MUC5B: variants seen among roughly 807,000 people sequenced by gnomAD.
MUC5B encodes the protein mucin 5B, oligomeric mucus/gel-forming, also known as mucin-5B.
Under a neutral mutation model 376.9 loss-of-function variants are expected in MUC5B, and 116 were observed. The ratio of observed to expected loss-of-function variants is 0.31; its 90% CI spans 0.26 to 0.36. The LOEUF (loss-of-function observed/expected upper bound fraction) is 0.36, where lower values mean the gene tolerates loss of function less well. Among genes scored for constraint, MUC5B ranks in the 10% least tolerant of loss-of-function variants. The pLI is 1.00. For synonymous variants in MUC5B, 3,517 were observed against 3,390.9 expected (o/e 1.04, Z -1.29); for missense variants, 7,165 against 7,769.9 (o/e 0.92, Z 2.93).
intron 12 of MUC5B, 76 bp from the exon 13 acceptor site, chr11:1,230,860 G>A: frequency 1.3e-6 from 2 of 1,515,304 alleles, no homozygotes; most frequent in Non-Finnish European, 1.8e-6. Context: ...GGGCCCCTGG[G>A]CAGGCCACCC....
chr11:1,242,149 C>G lies in MUC5B; in HGVS notation c.5269C>G (p.Gln1757Glu). 1 of 1,613,474 alleles carries G rather than the reference C, an allele frequency of 6.2e-7. No homozygotes were observed. Among genetic ancestry groups the G allele is most frequent in the South Asian group, 1.1e-5 (1 of 91,078 alleles). ...ACTCACGAGCGAGCTGTCCACCTCT[C>G]AGGCCGAGACCAGCACGCCCAGGAC... Reference protein sequence around the residue: ...PTLTSELSTSQAETSTPRTET... With the variant: ...PTLTSELSTSEAETSTPRTET... The change falls in exon 31 of 49, where the codon CAG becomes GAG. Residue 1757 changes from glutamine to glutamate, a missense_variant. Around this residue, in one of 31 missense-constraint regions of MUC5B, gnomAD observed 897 missense variants for 779.6 expected, o/e 1.15. Coordinates refer to ENST00000529681, the MANE Select transcript of MUC5B (RefSeq NM_002458.3).
At position 1,241,270 on chromosome 11, in the gene MUC5B, G is replaced by A. The variant is rs1447036523; in HGVS notation, c.4390G>A (p.Glu1464Lys). The change falls in exon 31 of 49, where the codon GAA becomes AAA. Residue 1464 changes from glutamate (E) to lysine (K), a missense_variant. Glu to Lys is a moderately conservative substitution (Grantham distance 56). This residue lies in a region of MUC5B where 517 missense variants were observed against 545.3 expected (regional missense o/e 0.95). Transcript: ENST00000529681. ...TACCCCAACCCAGACCACAGCAACC[G>A]AAAAGACCACCCTATGGGTGACCCC... The part of the protein sequence containing the change: ...VPTPTQTTAT[E>K]KTTLWVTPSI... 3.1e-6 allele frequency: 5 copies of A among 1,594,696 alleles called. No individual in the cohort carries two copies. The highest frequency in any genetic ancestry group is 1.8e-5 in the Admixed American group (1 of 56,790).
chr11:1,248,115 G>A lies in MUC5B; in HGVS notation c.11235G>A (p.Gln3745=). 2 of 1,594,902 alleles carry A rather than the reference G, an allele frequency of 1.3e-6. No individual in the cohort carries two copies. Among genetic ancestry groups the A allele is most frequent in the South Asian group, 1.1e-5 (1 of 90,290 alleles). The change falls in exon 31 of 49, where the codon CAG becomes CAA. Residue 3745 remains glutamine (Q), a synonymous_variant. Transcript: ENST00000529681. ...CCACGGCCACCGCCTCCTCCACCCAGGCAACTGCTGGCACCCCACATGTGA... is the reference window on the plus strand; with the variant it reads ...CCACGGCCACCGCCTCCTCCACCCAAGCAACTGCTGGCACCCCACATGTGA... ...TGSTATASST[Q]ATAGTPHVST... is the part of the protein sequence containing the mutation.
rs1281442107 is a variant in MUC5B at position 1,261,902 on chromosome 11, G to C, written c.*294G>C. On this transcript the variant is annotated 3_prime_UTR_variant, in exon 49 of 49. Coordinates refer to ENST00000529681, the MANE Select transcript of MUC5B (RefSeq NM_002458.3). Reference sequence around the variant, plus strand: ...GGACGCCCTGGAACAAACTAAGCATGTGCGGGCCTATGTGTCCCTGCCACG... The same window carrying C: ...GGACGCCCTGGAACAAACTAAGCATCTGCGGGCCTATGTGTCCCTGCCACG... The C allele has an allele frequency of 1.6e-6, 1 of 641,972 alleles. No individual in the cohort carries two copies. Among genetic ancestry groups the C allele is most frequent in the East Asian group, 3.1e-5 (1 of 32,260 alleles). 39.8% of individuals were successfully genotyped at this position (641,972 alleles called of 1,614,324 possible).
chr11:1,223,324 T>C (rs1861801599), intron 1 of MUC5B, 131 bp downstream of exon 1: 2 of 691,904 alleles, frequency 2.9e-6, no homozygotes, highest in African/African-American at 3.5e-5. Context: ...GTGTCCTGGA[T>C]GGGACCCTAC....
rs1051395246 is a variant in MUC5B at position 1,258,073 on chromosome 11, A to G, written c.16451-26A>G. 8.4e-6 allele frequency: 13 copies of G among 1,550,970 alleles called. No homozygotes were observed. Among genetic ancestry groups the G allele is most frequent in the Non-Finnish European group, 1.0e-5 (12 of 1,145,774 alleles). Reference sequence around the variant, plus strand: ...TCGGGAGGAGGAGTGAGCAGCGCCCAGACAGTGGCCTCCATCCTCCCGCAG... The same window carrying G: ...TCGGGAGGAGGAGTGAGCAGCGCCCGGACAGTGGCCTCCATCCTCCCGCAG... On this transcript the variant is annotated intron_variant, in intron 41 of 48. Transcript: ENST00000529681. This position sits in a 1 kb window ranked among gnomAD's most constrained non-coding sequence, Gnocchi z 5.5.
At chr11:1,240,747 G>T in intron 30 of MUC5B, 104 bp from the exon 31 acceptor site, 4 of 1,124,866 alleles carry the variant, frequency 3.6e-6, no homozygotes, top group Non-Finnish European at 2.5e-6. Context: ...TATCCCACAG[G>T]GGCAGGGCCA....
chr11:1,257,168 C>A lies in MUC5B; in HGVS notation c.16238-72C>A. 1 of 778,172 alleles carries A rather than the reference C, an allele frequency of 1.3e-6. No homozygotes were observed. Among genetic ancestry groups the A allele is most frequent in the South Asian group, 1.3e-5 (1 of 74,384 alleles). The allele number at this position is 778,172 out of a possible 1,614,324, so 48.2% of individuals were successfully genotyped here. ...GAAGCAGGCTCCAGGCCTGAGAGCA[C>A]CTCCCATGGCCAGAGGCCCCTCCGC... On this transcript the variant is annotated intron_variant, in intron 39 of 48. Transcript: ENST00000529681. The surrounding 1 kb of genome is among the most constrained non-coding windows in gnomAD (Gnocchi z 8.9).
chr11:1,240,425 G>A, intron 30 of MUC5B, 50 bp downstream of exon 30: 1 of 1,505,412 alleles, frequency 6.6e-7, no homozygotes, highest in Middle Eastern at 1.8e-4. Flanking sequence ...GGGTGACAAG[G>A]AGGACCCCCT....
In MUC5B at chr11:1,242,607, G is replaced by A; in HGVS notation, c.5727G>A (p.Lys1909=). Reference sequence around the variant, plus strand: ...CGGGGACGACCTGGATCCTCACAAAGCCGACCACAACAGCCACTACGACTG... The same window carrying A: ...CGGGGACGACCTGGATCCTCACAAAACCGACCACAACAGCCACTACGACTG... The part of the protein sequence containing the change: ...STPGTTWILT[K]PTTTATTTAS... Residue 1909 remains lysine, a synonymous_variant, in exon 31 of 49, where the codon AAG becomes AAA. Transcript: ENST00000529681. 6.2e-7 allele frequency: 1 copy of A among 1,613,544 alleles called. No homozygotes were observed. Among genetic ancestry groups the A allele is most frequent in the Non-Finnish European group, 8.5e-7 (1 of 1,179,758 alleles).
chr11:1,228,330 C>G (rs946915706), intron 7 of MUC5B, among the ~76,000 whole-genome samples: 1 of 152,288 alleles, frequency 6.6e-6, no homozygotes, highest in South Asian at 2.1e-4. Flanking sequence ...CTTTCTTGGG[C>G]GCTTACTCCA....
Position 1,242,910 on chromosome 11 carries a change from C to A in MUC5B, c.6030C>A (p.Pro2010=), listed in dbSNP as rs772035496. The change falls in exon 31 of 49, where the codon CCC becomes CCA. Residue 2010 remains proline (P), a synonymous_variant. Transcript: ENST00000529681. ...CGGCCACCATGTCCACAGCCACACCCTCCTCCACTCCAGAGACTGCCCACA... is the reference window on the plus strand; with the variant it reads ...CGGCCACCATGTCCACAGCCACACCATCCTCCACTCCAGAGACTGCCCACA... ...TPTATMSTAT[P]SSTPETAHTS... 2.5e-5 allele frequency: 40 copies of A among 1,613,592 alleles called. No homozygotes were observed. Among genetic ancestry groups the A allele is most frequent in the Middle Eastern group, 3.3e-4 (2 of 6,084 alleles).
intron 21 of MUC5B, 30 bp from the exon 22 acceptor site, chr11:1,235,055 G>A: frequency 6.3e-7 from 1 of 1,595,432 alleles, no homozygotes; most frequent in Non-Finnish European, 8.5e-7. Flanking sequence ...GCAGGCCCCT[G>A]TGAGCAGGCA....
At chr11:1,223,822 C>T (rs1003863464) in intron 1 of MUC5B, among the ~76,000 whole-genome samples, 1 of 152,260 alleles carries the variant, frequency 6.6e-6, no homozygotes, top group African/African-American at 2.4e-5. Context: ...AGCATTAATA[C>T]TTACTGTCAA....
At position 1,230,926 on chromosome 11, in the gene MUC5B, C is replaced by A; in HGVS notation, c.1471-10C>A. On this transcript the variant is annotated splice_polypyrimidine_tract_variant and intron_variant, in intron 12 of 48. Coordinates refer to ENST00000529681, the MANE Select transcript of MUC5B (RefSeq NM_002458.3). The stretch of plus-strand genomic sequence containing the variant: ...CCCAGAGCTGACCTCCCGCCCGCCT[C>A]CTTCCGCAGGCCATCCGGGTCCAAG... 1.9e-6 allele frequency: 3 copies of A among 1,583,542 alleles called. No individual in the cohort carries two copies. Among genetic ancestry groups the A allele is most frequent in the Non-Finnish European group, 8.6e-7 (1 of 1,166,030 alleles).
In MUC5B at chr11:1,251,405, C is replaced by T. The variant is rs760476832; in HGVS notation, c.14525C>T (p.Pro4842Leu). Reference protein sequence around the residue: ...TGSTATLSSTPGTTWILTEPS... With the variant: ...TGSTATLSSTLGTTWILTEPS... ...TCCACGGCCACCCTGTCCTCCACCC[C>T]AGGGACCACCTGGATCCTCACAGAG... Residue 4842 changes from proline to leucine, a missense_variant, in exon 31 of 49, where the codon CCA becomes CTA. Transcript: ENST00000529681. The T allele has an allele frequency of 1.2e-5, 20 of 1,612,432 alleles. No homozygotes were observed. Among genetic ancestry groups the T allele is most frequent in the Admixed American group, 1.0e-4 (6 of 59,956 alleles).
intron 12 of MUC5B, 99 bp from the exon 13 acceptor site, chr11:1,230,837 C>T: frequency 1.4e-6 from 2 of 1,385,778 alleles, no homozygotes; most frequent in Non-Finnish European, 2.0e-6. Context: ...TCTGTGGGCT[C>T]TGTCCCCAGT....
Position 1,250,573 on chromosome 11 carries a change from C to G in MUC5B, c.13693C>G (p.Leu4565Val). 1.9e-6 allele frequency: 3 copies of G among 1,613,744 alleles called. No homozygotes were observed. The highest frequency in any genetic ancestry group is 2.5e-6 in the Non-Finnish European group (3 of 1,179,854). ...TPETVHTSTV[L>V]TATATTTGAT... ...AGAGACTGTCCACACCTCCACAGTG[C>G]TTACCGCCACGGCCACCACAACCGG... Residue 4565 changes from leucine (L) to valine (V), a missense_variant, in exon 31 of 49, where the codon CTT becomes GTT. Coordinates refer to ENST00000529681, the MANE Select transcript of MUC5B (RefSeq NM_002458.3).
Position 1,234,147 on chromosome 11 carries a change from C to A in MUC5B, c.2378-58C>A. 7.2e-7 allele frequency: 1 copy of A among 1,384,412 alleles called. No homozygotes were observed. The highest frequency in any genetic ancestry group is 1.0e-6 in the Non-Finnish European group (1 of 996,890). The allele number at this position is 1,384,412 out of a possible 1,614,324, so 85.8% of individuals were successfully genotyped here. ...GGACAGGCTCAGGGCTGCCTGGGGT[C>A]AGTTGAGGGCCGTGGCTGCCCTTCC... On this transcript the variant is annotated intron_variant, in intron 19 of 48. Coordinates refer to ENST00000529681, the MANE Select transcript of MUC5B (RefSeq NM_002458.3). The surrounding 1 kb of genome is among the most constrained non-coding windows in gnomAD (Gnocchi z 6.3).
Sources: allele counts gnomAD v4.1 joint callset (sites outside exome capture counted in the v4.1 genomes callset), GRCh38; gene constraint gnomAD v4.1.1; regional missense constraint gnomAD v4.1.1; non-coding constraint Gnocchi (gnomAD v3.1); transcripts MANE v1.5; gene names NCBI Gene and HGNC (gene_info 2026-07-23, HGNC 2026-07-21).